PRKACB: variants seen among roughly 807,000 people sequenced by gnomAD.
PRKACB encodes cAMP-dependent protein kinase catalytic subunit beta.
In PRKACB, 16 loss-of-function variants were observed where a neutral mutation model predicts 51.4. The ratio of observed to expected loss-of-function variants is 0.31; its 90% CI spans 0.21 to 0.47. The LOEUF (loss-of-function observed/expected upper bound fraction) is 0.47, where lower values mean the gene tolerates loss of function less well. PRKACB is among the 20% of genes least tolerant of loss of function. The pLI, the probability that PRKACB is intolerant of heterozygous loss-of-function variation, is 1.00. For synonymous variants in PRKACB, 147 were observed against 154.4 expected, an observed-to-expected ratio of 0.95 and a Z score of 0.35; for missense variants, 309 against 464.5, an observed-to-expected ratio of 0.67 and a Z score of 3.08.
chr1:84,223,380 T>G (rs920915802), intron 9 of PRKACB, among the ~76,000 whole-genome samples: 190 of 149,628 alleles, frequency 1.3e-3, no homozygotes, highest in African/African-American at 4.3e-3. Flanking sequence ...GTTTTTTTGT[T>G]TTTTTTGAAA....
chr1:84,187,414 G>A (rs1572210107), intron 5 of PRKACB, among the ~76,000 whole-genome samples: 1 of 152,112 alleles, frequency 6.6e-6, no homozygotes, highest in East Asian at 1.9e-4. Context: ...TCTTGTTCTA[G>A]TGTTTTGAGA....
intron 9 of PRKACB, among the ~76,000 whole-genome samples, chr1:84,234,859 A>G (rs998521228): frequency 1.3e-5 from 2 of 152,314 alleles, no homozygotes; most frequent in East Asian, 3.9e-4. Context: ...ATGGAAATGC[A>G]GAAATCACCC....
intron 1 of PRKACB, among the ~76,000 whole-genome samples, chr1:84,104,350 A>T (rs1649573061): frequency 6.6e-6 from 1 of 152,124 alleles, no homozygotes; most frequent in African/African-American, 2.4e-5. Flanking sequence ...TTGTTTATAT[A>T]CATATATATA....
chr1:84,235,858 C>A lies in PRKACB; in HGVS notation c.*553C>A, dbSNP rs1676615920. On this transcript the variant is annotated 3_prime_UTR_variant, in exon 10 of 10. Coordinates refer to ENST00000370685, the MANE Select transcript of PRKACB (RefSeq NM_182948.4). Reference sequence around the variant, plus strand: ...GGAAATTTATACAAATTAAGACTAACTTTCTTGGAATTCACTATTCTGGCA... The same window carrying A: ...GGAAATTTATACAAATTAAGACTAAATTTCTTGGAATTCACTATTCTGGCA... 1 of 152,924 alleles carries A rather than the reference C, an allele frequency of 6.5e-6. No individual in the cohort carries two copies. Among genetic ancestry groups the A allele is most frequent in the Non-Finnish European group, 1.5e-5 (1 of 68,290 alleles). The allele number at this position is 152,924 out of a possible 1,614,324, so 9.5% of individuals were successfully genotyped here.
At chr1:84,117,479 G>A (rs1346767332) in intron 1 of PRKACB, among the ~76,000 whole-genome samples, 1 of 151,956 alleles carries the variant, frequency 6.6e-6, no homozygotes, top group East Asian at 1.9e-4. Context: ...CAATCTCTCT[G>A]CTTGTTATTG....
At chr1:84,111,770 G>A (rs759665388) in intron 1 of PRKACB, among the ~76,000 whole-genome samples, 5 of 151,708 alleles carry the variant, frequency 3.3e-5, no homozygotes, top group Admixed American at 1.3e-4. Flanking sequence ...AAGAAACACC[G>A]TAGAAATTTT....
chr1:84,107,658 C>T (rs1649887053), intron 1 of PRKACB, among the ~76,000 whole-genome samples: 1 of 151,974 alleles, frequency 6.6e-6, no homozygotes, highest in Admixed American at 6.6e-5. Flanking sequence ...GCAAACAGCC[C>T]TATTAAAATG....
chr1:84,222,994 G>C (rs747969591), intron 9 of PRKACB, among the ~76,000 whole-genome samples: 1 of 152,092 alleles, frequency 6.6e-6, no homozygotes, highest in Non-Finnish European at 1.5e-5. Context: ...TCTTGGAAAA[G>C]ACCTTTTTGG....
At chr1:84,149,790 T>C (rs1654601147) in intron 1 of PRKACB, among the ~76,000 whole-genome samples, 1 of 152,134 alleles carries the variant, frequency 6.6e-6, no homozygotes, top group African/African-American at 2.4e-5. Flanking sequence ...TTATATTTTA[T>C]AGGATTAATT....
At chr1:84,116,370 A>G (rs1031679405) in intron 1 of PRKACB, among the ~76,000 whole-genome samples, 2 of 152,068 alleles carry the variant, frequency 1.3e-5, no homozygotes, top group African/African-American at 4.8e-5. Flanking sequence ...ATTTTTTCTA[A>G]TTCTGTGAAG....
intron 1 of PRKACB, among the ~76,000 whole-genome samples, chr1:84,086,862 T>G (rs1648046667): frequency 6.6e-6 from 1 of 152,116 alleles, no homozygotes; most frequent in South Asian, 2.1e-4. Context: ...GAGCCTTGAC[T>G]CTGTAAGGCT....
intron 1 of PRKACB, among the ~76,000 whole-genome samples, chr1:84,151,710 C>T (rs1443242961): frequency 1.2e-4 from 19 of 152,202 alleles, no homozygotes; most frequent in Non-Finnish European, 5.9e-5. Context: ...CAAGAAGCAA[C>T]TCCTCACTCG....
intron 1 of PRKACB, among the ~76,000 whole-genome samples, chr1:84,133,847 G>A (rs998613274): frequency 6.7e-6 from 1 of 148,622 alleles, no homozygotes; most frequent in African/African-American, 2.4e-5. Context: ...GCCATCCATG[G>A]ATGGCTTAAG....
intron 3 of PRKACB, among the ~76,000 whole-genome samples, chr1:84,182,579 A>C (rs1663863252): frequency 6.6e-6 from 1 of 152,002 alleles, no homozygotes; most frequent in African/African-American, 2.4e-5. Context: ...TTTGGGAAAA[A>C]AATTACATCT....
chr1:84,088,938 G>A (rs937993691), intron 1 of PRKACB, among the ~76,000 whole-genome samples: 1 of 152,168 alleles, frequency 6.6e-6, no homozygotes, highest in Non-Finnish European at 1.5e-5. Flanking sequence ...TAGAGGAGTA[G>A]TATAGAATTT....
intron 9 of PRKACB, among the ~76,000 whole-genome samples, chr1:84,225,095 G>A (rs1180581911): frequency 6.6e-6 from 1 of 152,094 alleles, no homozygotes; most frequent in Non-Finnish European, 1.5e-5. Context: ...GGCACTTAAA[G>A]GGACAGGCCT....
At chr1:84,101,986 A>G (rs1205251472) in intron 1 of PRKACB, among the ~76,000 whole-genome samples, 5 of 152,160 alleles carry the variant, frequency 3.3e-5, no homozygotes, top group African/African-American at 9.7e-5. Context: ...AAATTTTCTT[A>G]ACAAGTAAAA....
chr1:84,213,590 T>C (rs1672448621), intron 8 of PRKACB, among the ~76,000 whole-genome samples: 1 of 152,222 alleles, frequency 6.6e-6, no homozygotes, highest in African/African-American at 2.4e-5. Context: ...ATTTTTATAC[T>C]GTTGCATAAT....
chr1:84,180,206 A>G (rs866649543), intron 2 of PRKACB, among the ~76,000 whole-genome samples: 3 of 127,138 alleles, frequency 2.4e-5, no homozygotes, highest in South Asian at 5.3e-4. Context: ...ATATATATAT[A>G]TATGTATGAT....
Sources: allele counts gnomAD v4.1 joint callset (sites outside exome capture counted in the v4.1 genomes callset), GRCh38; gene constraint gnomAD v4.1.1; transcripts MANE v1.5; gene names NCBI Gene and HGNC (gene_info 2026-07-23, HGNC 2026-07-21).